The following PCDHGB3 variants were observed in gnomAD, a reference collection of about 807,000 sequenced individuals.
The protein encoded by PCDHGB3 is protocadherin gamma-B3.
In PCDHGB3, 40 loss-of-function variants were observed where a neutral mutation model predicts 59.2. That is an observed-to-expected ratio of 0.68 (90% CI 0.52 to 0.88). The LOEUF is 0.88. Among genes scored for constraint, PCDHGB3 ranks in the 40% least tolerant of loss-of-function variants. PCDHGB3 has a pLI of 0.00. For synonymous variants in PCDHGB3, 581 were observed against 503.6 expected (o/e 1.15, Z -2.06); for missense variants, 1,309 against 1,187.9 (o/e 1.10, Z -1.50).
In PCDHGB3 at chr5:141,370,755, G is replaced by A; in HGVS notation, c.361G>A (p.Val121Met). 1 of 1,613,972 alleles carries A rather than the reference G, an allele frequency of 6.2e-7. No homozygotes were observed. Among genetic ancestry groups the A allele is most frequent in the South Asian group, 1.1e-5 (1 of 91,086 alleles). The stretch of plus-strand genomic sequence containing the variant: ...GCCTTTAAACTTTTTTCATGTAACT[G>A]TGCTGATCCAGGATATTAACGACAA... ...EKPLNFFHVT[V>M]LIQDINDNPP... The change falls in exon 1 of 4, where the codon GTG becomes ATG. Residue 121 changes from valine to methionine, a missense_variant. Val to Met is a conservative substitution (Grantham distance 21). Coordinates refer to ENST00000576222, the MANE Select transcript of PCDHGB3 (RefSeq NM_018924.5).
chr5:141,378,347 A>AC (rs1159176401), intron 1 of PCDHGB3: 1 of 152,134 alleles, frequency 6.6e-6, no homozygotes, highest in Non-Finnish European at 1.5e-5. Flanking sequence ...ACATGGTGAA[A>AC]CCCCGTCTCT....
At chr5:141,376,530 G>T (rs200613052) in intron 1 of PCDHGB3, 35 of 1,613,550 alleles carry the variant, frequency 2.2e-5, no homozygotes, top group Non-Finnish European at 2.8e-5. Flanking sequence ...CCGCCTAAGC[G>T]GGAAGAGTAA....
At chr5:141,450,055 G>A (rs1325291695) in intron 1 of PCDHGB3, among the ~76,000 whole-genome samples, 2 of 137,594 alleles carry the variant, frequency 1.5e-5, no homozygotes, top group Non-Finnish European at 3.0e-5. Flanking sequence ...CGCCCAGGCT[G>A]GAATGCAGTG....
intron 1 of PCDHGB3, among the ~76,000 whole-genome samples, chr5:141,381,826 CTTTTTTTTT>C (rs770630741): frequency 5.4e-5 from 4 of 74,286 alleles, no homozygotes; most frequent in African/African-American, 2.5e-4. Flanking sequence ...CTTTCTTCTT[CTTTTTTTTT>C]TTTTTTTTTT....
At chr5:141,495,104 G>C (rs552664771) in intron 2 of PCDHGB3, among the ~76,000 whole-genome samples, 16 of 152,194 alleles carry the variant, frequency 1.1e-4, no homozygotes, top group Admixed American at 8.5e-4. Flanking sequence ...CGCCACGACC[G>C]GCACCTTTTC....
At position 141,409,826 on chromosome 5, in the gene PCDHGB3, C is replaced by T. The variant is rs565116840; in HGVS notation, c.2415+37017C>T. 14 of 1,611,108 alleles carry T rather than the reference C, an allele frequency of 8.7e-6. No homozygotes were observed. The highest frequency in any genetic ancestry group is 1.3e-5 in the African/African-American group (1 of 75,000). On this transcript the variant is annotated intron_variant, in intron 1 of 3. Coordinates refer to ENST00000576222, the MANE Select transcript of PCDHGB3 (RefSeq NM_018924.5). ...GGCCCGCGACCACGGCTCGCCCACG[C>T]TCAGCGCCAACGTGAGCCTGCGCGT...
intron 1 of PCDHGB3, chr5:141,430,898 G>A: frequency 6.2e-7 from 1 of 1,605,834 alleles, no homozygotes; most frequent in East Asian, 2.2e-5. Flanking sequence ...TAGGGTGGGC[G>A]ACATCTCCAG....
intron 1 of PCDHGB3, chr5:141,385,164 T>A (rs758100484): frequency 9.3e-6 from 15 of 1,614,168 alleles, no homozygotes; most frequent in Non-Finnish European, 1.3e-5. Flanking sequence ...CCTATTCCCA[T>A]GAGGTCTCCC....
At position 141,512,903 on chromosome 5, in the gene PCDHGB3, CAA is replaced by C. The variant is rs2099884494; in HGVS notation, c.*1731_*1732del. The C allele has an allele frequency of 6.6e-6, 1 of 152,224 alleles. No individual in the cohort carries two copies. Among genetic ancestry groups the C allele is most frequent in the African/African-American group, 2.4e-5 (1 of 41,452 alleles). 9.4% of individuals were successfully genotyped at this position (152,224 alleles called of 1,614,324 possible). On this transcript the variant is annotated 3_prime_UTR_variant, in exon 4 of 4. Transcript: ENST00000576222. ...CCCCACCCTCTTCCTGTGTCTCACG[CAA>C]GTTTTATACTCTAATATTTATATGG...
intron 1 of PCDHGB3, among the ~76,000 whole-genome samples, chr5:141,449,677 A>G (rs543079734): frequency 6.3e-4 from 96 of 151,362 alleles, no homozygotes; most frequent in Non-Finnish European, 1.1e-3. Flanking sequence ...GTGTATGTAT[A>G]TATGTTTGTG....
intron 1 of PCDHGB3, chr5:141,383,233 G>T: frequency 6.2e-7 from 1 of 1,613,972 alleles, no homozygotes. Flanking sequence ...CCTGATGGAA[G>T]ATAAAATGAA....
At position 141,421,975 on chromosome 5, in the gene PCDHGB3, G is replaced by A. The variant is rs1287891140; in HGVS notation, c.2415+49166G>A. 3.1e-6 allele frequency: 5 copies of A among 1,610,050 alleles called. No individual in the cohort carries two copies. The South Asian group carries it at 3.3e-5, about 11-fold the overall frequency. On this transcript the variant is annotated intron_variant, in intron 1 of 3. Coordinates refer to ENST00000576222, the MANE Select transcript of PCDHGB3 (RefSeq NM_018924.5). ...AATGTTTACACAGTCCGTATATCGC[G>A]TGAGTGTTCCAGAAAACATCAGCTC...
At position 141,485,060 on chromosome 5, in the gene PCDHGB3, G is replaced by A. The variant is rs191055161; in HGVS notation, c.2416-9747G>A. 155 of 862,304 alleles carry A rather than the reference G, an allele frequency of 1.8e-4. No individual in the cohort carries two copies. The African/African-American group carries it at 2.3e-3, about 13-fold the overall frequency. 53.4% of individuals were successfully genotyped at this position (862,304 alleles called of 1,614,324 possible). ...ACCCTTGCGGCGCCGGCCGAACCGCGCCAGAGCTGGCGCGGGGAAAGGGAG... is the reference window on the plus strand; with the variant it reads ...ACCCTTGCGGCGCCGGCCGAACCGCACCAGAGCTGGCGCGGGGAAAGGGAG... On this transcript the variant is annotated intron_variant, in intron 1 of 3. Transcript: ENST00000576222. This position sits in a 1 kb window ranked among gnomAD's most constrained non-coding sequence, Gnocchi z 5.7.
intron 1 of PCDHGB3, among the ~76,000 whole-genome samples, chr5:141,429,535 T>TG (rs1278730394): frequency 2.0e-5 from 3 of 152,168 alleles, no homozygotes; most frequent in Non-Finnish European, 4.4e-5. Flanking sequence ...CTTAAAAAAA[T>TG]AAGAACATGG....
Position 141,395,219 on chromosome 5 carries a change from T to G in PCDHGB3, c.2415+22410T>G, listed in dbSNP as rs1303078300. On this transcript the variant is annotated intron_variant, in intron 1 of 3. Coordinates refer to ENST00000576222, the MANE Select transcript of PCDHGB3 (RefSeq NM_018924.5). Reference sequence around the variant, plus strand: ...CCGTAGATTTTCATGAATATAAGAATGAAGCTGATCATGGTCAGGTGAGTT... The same window carrying G: ...CCGTAGATTTTCATGAATATAAGAAGGAAGCTGATCATGGTCAGGTGAGTT... 3.7e-6 allele frequency: 6 copies of G among 1,611,924 alleles called. No individual in the cohort carries two copies. In the African/African-American group the frequency reaches 4.0e-5, roughly 11 times the overall value.
intron 1 of PCDHGB3, chr5:141,389,909 C>A: frequency 6.2e-7 from 1 of 1,614,068 alleles, no homozygotes; most frequent in Non-Finnish European, 8.5e-7. Flanking sequence ...ATATCACTGA[C>A]CGCCCCGACC....
intron 1 of PCDHGB3, chr5:141,393,869 G>A: frequency 1.2e-6 from 2 of 1,613,982 alleles, no homozygotes; most frequent in Non-Finnish European, 1.7e-6. Context: ...TTACGTCTTT[G>A]TTTAGCCCAG....
intron 1 of PCDHGB3, chr5:141,390,565 G>T: frequency 4.8e-6 from 2 of 420,818 alleles, no homozygotes. Context: ...ACAGTTGTTG[G>T]CTCTCTCCTA....
intron 2 of PCDHGB3, among the ~76,000 whole-genome samples, chr5:141,496,955 G>T (rs2099772887): frequency 6.6e-6 from 1 of 152,006 alleles, no homozygotes; most frequent in African/African-American, 2.4e-5. Context: ...GGAGGCCAAG[G>T]TGGGTAGATC....
Sources: gnomAD v4.1 joint callset for allele counts (sites outside exome capture counted in the v4.1 genomes callset) on GRCh38, gnomAD v4.1.1 for gene constraint, Gnocchi (gnomAD v3.1) non-coding constraint, MANE v1.5 for transcripts, NCBI Gene and HGNC (gene_info 2026-07-23, HGNC 2026-07-21) for gene names.